The following B4GALT6 variants were observed in gnomAD, a reference collection of about 807,000 sequenced individuals.
The protein encoded by B4GALT6 is beta-1,4-galactosyltransferase 6.
In B4GALT6, 14 loss-of-function variants were observed where a neutral mutation model predicts 46.3. That is an observed-to-expected ratio of 0.30 (90% CI 0.20 to 0.47). B4GALT6 has a LOEUF of 0.47. B4GALT6 is among the 20% of genes least tolerant of loss of function. The pLI, the probability that B4GALT6 is intolerant of heterozygous loss-of-function variation, is 0.99. For synonymous variants in B4GALT6, 168 were observed against 162.0 expected, an observed-to-expected ratio of 1.04 and a Z score of -0.28; for missense variants, 386 against 480.1, an observed-to-expected ratio of 0.80 and a Z score of 1.83.
chr18:31,629,624 T>C (rs1342233757), intron 6 of B4GALT6, among the ~76,000 whole-genome samples: 1 of 149,774 alleles, frequency 6.7e-6, no homozygotes, highest in East Asian at 2.0e-4. Context: ...CCGAGGCGGG[T>C]GGATCACAAG....
At chr18:31,694,737 T>C in the B4GALT6 span, among the ~76,000 whole-genome samples, 1 of 152,208 alleles carries the variant, frequency 6.6e-6, no homozygotes, top group Admixed American at 6.5e-5. Context: ...CTGTTTTTGC[T>C]ATATGATAGA....
At chr18:31,642,338 T>C (rs545097122) in intron 4 of B4GALT6, among the ~76,000 whole-genome samples, 1 of 152,296 alleles carries the variant, frequency 6.6e-6, no homozygotes, top group African/African-American at 2.4e-5. Context: ...CTACCACACC[T>C]GGCCAAAAAT....
chr18:31,721,175 G>A, the B4GALT6 span, among the ~76,000 whole-genome samples: 17 of 151,224 alleles, frequency 1.1e-4, no homozygotes, highest in East Asian at 1.6e-3. Flanking sequence ...TATGTCCACC[G>A]GGGCCTGTCG....
At chr18:31,658,946 G>T (rs1441865962) in intron 2 of B4GALT6, among the ~76,000 whole-genome samples, 1 of 152,128 alleles carries the variant, frequency 6.6e-6, no homozygotes, top group Non-Finnish European at 1.5e-5. Context: ...TTTTGAATGT[G>T]GAACCAGAGA....
chr18:31,718,957 AC>A, the B4GALT6 span: 1 of 152,172 alleles, frequency 6.6e-6, no homozygotes, highest in Non-Finnish European at 1.5e-5. Flanking sequence ...GATTTGGCTG[AC>A]CTGGCTGGCT....
At chr18:31,642,025 C>T (rs946422918) in intron 4 of B4GALT6, among the ~76,000 whole-genome samples, 14 of 152,166 alleles carry the variant, frequency 9.2e-5, no homozygotes, top group Middle Eastern at 3.2e-3. Context: ...CCCTCATTCT[C>T]CTTCAGTGTT....
chr18:31,653,826 G>C (rs1390935574), intron 3 of B4GALT6, among the ~76,000 whole-genome samples: 2 of 152,048 alleles, frequency 1.3e-5, no homozygotes, highest in African/African-American at 4.8e-5. Context: ...GTTCAGTCTT[G>C]TCTCTCCCGT....
chr18:31,625,166 C>T lies in B4GALT6; in HGVS notation c.*448G>A, dbSNP rs1364533358. ...GTAAATTTAGTGAGTTTTTTTCATG[C>T]AAATAAAAAATGTCTATAAAAGTCC... On this transcript the variant is annotated 3_prime_UTR_variant, in exon 9 of 9. Coordinates refer to ENST00000306851, the MANE Select transcript of B4GALT6 (RefSeq NM_004775.5). The T allele has an allele frequency of 6.5e-6, 1 of 153,358 alleles. No homozygotes were observed. Among genetic ancestry groups the T allele is most frequent in the African/African-American group, 2.4e-5 (1 of 41,384 alleles). 9.5% of individuals were successfully genotyped at this position (153,358 alleles called of 1,614,324 possible). A position where few individuals can be genotyped will look rare whatever the true frequency, so the allele number is the denominator to read the frequency against.
chr18:31,661,704 A>C (rs1345384775), intron 2 of B4GALT6, among the ~76,000 whole-genome samples: 1 of 152,196 alleles, frequency 6.6e-6, no homozygotes, highest in East Asian at 1.9e-4. Context: ...TGAGACAATA[A>C]ATAAGGTTGT....
At chr18:31,718,081 C>CA in the B4GALT6 span, among the ~76,000 whole-genome samples, 1 of 152,184 alleles carries the variant, frequency 6.6e-6, no homozygotes, top group East Asian at 1.9e-4. Flanking sequence ...TTAACTACTT[C>CA]AAACAGAAAT....
the B4GALT6 span, among the ~76,000 whole-genome samples, chr18:31,702,158 T>C: frequency 6.8e-4 from 104 of 152,334 alleles, no homozygotes; most frequent in African/African-American, 2.5e-3. Context: ...TAATACGCTA[T>C]AATGGCAAGA....
chr18:31,664,018 G>C, intron 2 of B4GALT6, among the ~76,000 whole-genome samples: 1 of 152,264 alleles, frequency 6.6e-6, no homozygotes, highest in East Asian at 1.9e-4. Context: ...CAGTGTTATC[G>C]CATGTGGCCA....
intron 1 of B4GALT6, among the ~76,000 whole-genome samples, chr18:31,681,692 G>C (rs1481624602): frequency 1.3e-5 from 2 of 152,162 alleles, no homozygotes; most frequent in Non-Finnish European, 2.9e-5. Context: ...TAAAATGACA[G>C]AAGATCTACC....
the B4GALT6 span, among the ~76,000 whole-genome samples, chr18:31,714,098 C>A: frequency 6.6e-5 from 10 of 152,108 alleles, no homozygotes; most frequent in African/African-American, 2.4e-4. Context: ...AATATGGTAG[C>A]CATAGGCCAC....
chr18:31,639,092 G>T (rs186465063), intron 4 of B4GALT6, among the ~76,000 whole-genome samples: 1 of 152,306 alleles, frequency 6.6e-6, no homozygotes, highest in Non-Finnish European at 1.5e-5. Flanking sequence ...GACTGGAGAA[G>T]ACCAAAAATT....
At chr18:31,639,441 C>T (rs926756076) in intron 4 of B4GALT6, among the ~76,000 whole-genome samples, 1 of 152,168 alleles carries the variant, frequency 6.6e-6, no homozygotes, top group Non-Finnish European at 1.5e-5. Flanking sequence ...AATCTTCACA[C>T]TCCAGCCATA....
In B4GALT6 at chr18:31,650,518, A is replaced by G. The variant is rs1309488017; in HGVS notation, c.347-5039T>C. Among the ~76,000 whole-genome samples, 5 of 152,300 alleles carry G rather than the reference A, an allele frequency of 3.3e-5. No individual in the cohort carries two copies. The East Asian group carries it at 9.7e-4, about 29-fold the overall frequency. On this transcript the variant is annotated intron_variant, in intron 3 of 8. Transcript: ENST00000306851. Reference sequence around the variant, plus strand: ...CACTTCTGGTCTCCAGACCTGAGCAATGCTGGTAGGAGGTTTAAGCCCTGA... The same window carrying G: ...CACTTCTGGTCTCCAGACCTGAGCAGTGCTGGTAGGAGGTTTAAGCCCTGA...
the B4GALT6 span, among the ~76,000 whole-genome samples, chr18:31,701,141 G>A: frequency 6.6e-6 from 1 of 152,192 alleles, no homozygotes; most frequent in South Asian, 2.1e-4. Flanking sequence ...CAATGTTGGA[G>A]GTGGAGCCTA....
At position 31,622,808 on chromosome 18, in the gene B4GALT6, T is replaced by A. The variant is rs2073634573; in HGVS notation, c.*2806A>T. ...AGCAAAGAATTAACTATCTCCACTG[T>A]GAATTATATATAGTTCCAGCAAATG... On this transcript the variant is annotated 3_prime_UTR_variant, in exon 9 of 9. Transcript: ENST00000306851. The A allele has an allele frequency of 6.6e-6, 1 of 152,116 alleles. No individual in the cohort carries two copies. The highest frequency in any genetic ancestry group is 2.4e-5 in the African/African-American group (1 of 41,458). 9.4% of individuals were successfully genotyped at this position (152,116 alleles called of 1,614,324 possible).
Sources: gnomAD v4.1 joint callset for allele counts (sites outside exome capture counted in the v4.1 genomes callset) on GRCh38, gnomAD v4.1.1 for gene constraint, MANE v1.5 for transcripts, NCBI Gene and HGNC (gene_info 2026-07-23, HGNC 2026-07-21) for gene names.